The following CEP112 variants were observed in gnomAD, a reference collection of about 807,000 sequenced individuals.
CEP112 encodes centrosomal protein 112.
In CEP112, 127 loss-of-function variants were observed where a neutral mutation model predicts 153.0. That is an observed-to-expected ratio of 0.83 (90% confidence interval 0.72 to 0.96). The LOEUF is 0.96. Among genes scored for constraint, CEP112 ranks in the 40% least tolerant of loss-of-function variants. The probability of loss-of-function intolerance (pLI) is 0.00; values close to 1 mark genes in which losing one functional copy is unlikely to be tolerated. For missense variants in CEP112, 1,089 were observed against 1,101.2 expected, an observed-to-expected ratio of 0.99 and a Z score of 0.16; for synonymous variants, 358 against 374.4, an observed-to-expected ratio of 0.96 and a Z score of 0.51.
At chr17:65,933,023 AAAG>A (rs2061180340) in intron 18 of CEP112, among the ~76,000 whole-genome samples, 2 of 152,246 alleles carry the variant, frequency 1.3e-5, no homozygotes, top group Admixed American at 1.3e-4. Context: ...TCCTAGAGAT[AAAG>A]AATACAATAA....
intron 18 of CEP112, among the ~76,000 whole-genome samples, 179 bp downstream of exon 18, chr17:65,961,284 T>C (rs1422102301): frequency 9.8e-5 from 15 of 152,334 alleles, no homozygotes; most frequent in Non-Finnish European, 1.9e-4. Context: ...CTGGCATTGC[T>C]TGAAGGATGA....
intron 6 of CEP112, among the ~76,000 whole-genome samples, chr17:66,118,919 C>T (rs1362382150): frequency 6.6e-6 from 1 of 151,858 alleles, no homozygotes; most frequent in African/African-American, 2.4e-5. Flanking sequence ...TGCTTATTCA[C>T]AATAGCAAAG....
intron 21 of CEP112, among the ~76,000 whole-genome samples, chr17:65,772,575 TACACACACACACACAC>T (rs34758953): frequency 3.7e-5 from 5 of 133,496 alleles, no homozygotes; most frequent in Admixed American, 7.8e-5. Flanking sequence ...CTCTATTTAT[TACACACACACACACAC>T]ACACACACAC....
intron 12 of CEP112, among the ~76,000 whole-genome samples, chr17:66,049,584 T>C (rs2066355011): frequency 6.6e-6 from 1 of 152,116 alleles, no homozygotes; most frequent in South Asian, 2.1e-4. Flanking sequence ...ACTCCATCTC[T>C]ACTAAAAATA....
intron 20 of CEP112, among the ~76,000 whole-genome samples, chr17:65,861,450 G>A (rs1285300590): frequency 6.6e-6 from 1 of 152,124 alleles, no homozygotes; most frequent in African/African-American, 2.4e-5. Context: ...AAAGACACAA[G>A]AAAGAGAATG....
At chr17:65,719,043 A>C (rs1362801547) in intron 23 of CEP112, among the ~76,000 whole-genome samples, 1 of 152,246 alleles carries the variant, frequency 6.6e-6, no homozygotes, top group Non-Finnish European at 1.5e-5. Flanking sequence ...TTTTCTCTGC[A>C]TATGTGTTGT....
chr17:65,736,508 G>C (rs1165512792), intron 23 of CEP112, among the ~76,000 whole-genome samples: 12 of 152,118 alleles, frequency 7.9e-5, no homozygotes, highest in Non-Finnish European at 1.5e-5. Flanking sequence ...TTAACATGAA[G>C]GGATGAGATT....
chr17:65,982,353 A>G (rs1411496573), intron 17 of CEP112, among the ~76,000 whole-genome samples: 1 of 152,232 alleles, frequency 6.6e-6, no homozygotes, highest in African/African-American at 2.4e-5. Context: ...CAGGCAAAAT[A>G]TCCCCGAAGT....
intron 12 of CEP112, among the ~76,000 whole-genome samples, chr17:66,044,429 G>A (rs911576826): frequency 5.9e-5 from 9 of 152,170 alleles, no homozygotes; most frequent in African/African-American, 2.2e-4. Context: ...CACGTACACG[G>A]CAGCATTATT....
chr17:66,013,195 T>TA (rs1163032837), intron 16 of CEP112, among the ~76,000 whole-genome samples: 1 of 152,212 alleles, frequency 6.6e-6, no homozygotes, highest in African/African-American at 2.4e-5. Context: ...TCTTCGTTCC[T>TA]ATTCATAGTC....
At chr17:65,958,468 C>T (rs143305547) in intron 18 of CEP112, among the ~76,000 whole-genome samples, 1 of 133,126 alleles carries the variant, frequency 7.5e-6, no homozygotes, top group African/African-American at 2.7e-5. Flanking sequence ...AAGGTCCCTG[C>T]TGCCCTAGCT....
intron 21 of CEP112, among the ~76,000 whole-genome samples, chr17:65,760,331 C>G (rs2052537137): frequency 6.6e-6 from 1 of 152,070 alleles, no homozygotes; most frequent in East Asian, 1.9e-4. Context: ...AATCAATGCC[C>G]TGTTTCTGAT....
rs72841587 is a variant in CEP112 at position 65,650,272 on chromosome 17, G to A, written c.2698-9207C>T. Among the ~76,000 whole-genome samples, 1,023 of 152,240 alleles carry A rather than the reference G, an allele frequency of 6.7e-3. 1 individual carries two copies. Among genetic ancestry groups the A allele is most frequent in the Admixed American group, 0.011 (165 of 15,292 alleles). ...GGGTGCAGATCTAGGCACCCAGGGGGAGGGAGCTTGGCCAGACCTTCATGA... is the reference window on the plus strand; with the variant it reads ...GGGTGCAGATCTAGGCACCCAGGGGAAGGGAGCTTGGCCAGACCTTCATGA... On this transcript the variant is annotated intron_variant, in intron 24 of 26. Coordinates refer to ENST00000535342, the MANE Select transcript of CEP112 (RefSeq NM_001199165.4).
At chr17:66,094,832 G>A (rs547620276) in intron 8 of CEP112, among the ~76,000 whole-genome samples, 3 of 152,116 alleles carry the variant, frequency 2.0e-5, no homozygotes, top group African/African-American at 7.2e-5. Context: ...TTTTAAAATG[G>A]GCAAAGGATC....
chr17:65,644,457 T>A, intron 24 of CEP112: 2 of 395,520 alleles, frequency 5.1e-6, no homozygotes, highest in Non-Finnish European at 9.5e-6. Flanking sequence ...TCCTTGAGGA[T>A]TCGGTCTTCT....
At chr17:65,660,613 C>T (rs1005296970) in intron 24 of CEP112, among the ~76,000 whole-genome samples, 5 of 151,904 alleles carry the variant, frequency 3.3e-5, no homozygotes, top group African/African-American at 1.2e-4. Context: ...GATGCAACCA[C>T]AGCTCACTGC....
At chr17:65,958,625 G>A (rs2062084279) in intron 18 of CEP112, among the ~76,000 whole-genome samples, 1 of 69,604 alleles carries the variant, frequency 1.4e-5, no homozygotes, top group Non-Finnish European at 3.0e-5. Context: ...GGCTGCCAAT[G>A]AGCATAGGAG....
At chr17:65,647,501 G>T in intron 24 of CEP112, among the ~76,000 whole-genome samples, 1 of 145,336 alleles carries the variant, frequency 6.9e-6, no homozygotes. Flanking sequence ...CAAGAGACAG[G>T]GTCTTGCTCT....
intron 21 of CEP112, among the ~76,000 whole-genome samples, chr17:65,774,603 A>C (rs566695766): frequency 6.6e-6 from 1 of 152,256 alleles, no homozygotes; most frequent in East Asian, 1.9e-4. Flanking sequence ...AATAATGTCC[A>C]ACCAAAGATT....
Sources: allele counts gnomAD v4.1 joint callset (sites outside exome capture counted in the v4.1 genomes callset), GRCh38; gene constraint gnomAD v4.1.1; transcripts MANE v1.5; gene names NCBI Gene and HGNC (gene_info 2026-07-23, HGNC 2026-07-21).